The following METAP2 variants were observed in gnomAD, a reference collection of about 807,000 sequenced individuals.
The protein encoded by METAP2 is methionine aminopeptidase 2.
Under a neutral mutation model 59.4 loss-of-function variants are expected in METAP2, and 25 were observed. That is an observed-to-expected ratio of 0.42 (90% confidence interval 0.31 to 0.59). The LOEUF is 0.59. Among genes scored for constraint, METAP2 ranks in the 20% least tolerant of loss-of-function variants. METAP2 has a pLI of 0.16. For missense variants in METAP2, 366 were observed against 581.2 expected (o/e 0.63, Z 3.81); for synonymous variants, 214 against 194.1 (o/e 1.10, Z -0.85).
intron 4 of METAP2, among the ~76,000 whole-genome samples, chr12:95,492,337 A>T (rs1262555667): frequency 2.0e-5 from 3 of 152,138 alleles, no homozygotes; most frequent in Non-Finnish European, 4.4e-5. Context: ...ACTGAACTAA[A>T]TAAGATAAAA....
At chr12:95,485,451 C>A (rs1426402041) in intron 3 of METAP2, among the ~76,000 whole-genome samples, 2 of 151,906 alleles carry the variant, frequency 1.3e-5, no homozygotes, top group Non-Finnish European at 2.9e-5. Context: ...AACTTTTATA[C>A]CTTATATACT....
chr12:95,503,939 T>G (rs1387762226), intron 7 of METAP2, 126 bp from the exon 8 acceptor site: 1 of 666,998 alleles, frequency 1.5e-6, no homozygotes, highest in Non-Finnish European at 2.6e-6. Flanking sequence ...CAAAGTATTT[T>G]AAACAGGAAG....
At chr12:95,512,556 AC>A (rs1465372707) in intron 9 of METAP2, among the ~76,000 whole-genome samples, 28 of 152,152 alleles carry the variant, frequency 1.8e-4, no homozygotes, top group Admixed American at 1.8e-3. Context: ...TACTAAAAAT[AC>A]AAAAATTAGC....
Position 95,494,867 on chromosome 12 carries a change from A to C in METAP2, c.591-90A>C, listed in dbSNP as rs2076265665. On this transcript the variant is annotated intron_variant, in intron 5 of 10. Coordinates refer to ENST00000323666, the MANE Select transcript of METAP2 (RefSeq NM_006838.4). ...CCAGAAGGTATTTAAGGTTTTTAGT[A>C]AACTTTCTGGACTTGATGAACTATA... 5 of 1,067,380 alleles carry C rather than the reference A, an allele frequency of 4.7e-6. No individual in the cohort carries two copies. In the Admixed American group the frequency reaches 1.1e-4, roughly 24 times the overall value. The allele number at this position is 1,067,380 out of a possible 1,614,324, so 66.1% of individuals were successfully genotyped here. A position where few individuals can be genotyped will look rare whatever the true frequency, so the allele number is the denominator to read the frequency against.
At chr12:95,506,846 G>A (rs372603266) in intron 8 of METAP2, among the ~76,000 whole-genome samples, 27 of 136,024 alleles carry the variant, frequency 2.0e-4, no homozygotes, top group African/African-American at 6.9e-4. Flanking sequence ...AGTCTTACTC[G>A]TTCTGTCACC....
At chr12:95,499,965 GA>G (rs1428820569) in intron 7 of METAP2, among the ~76,000 whole-genome samples, 1 of 152,176 alleles carries the variant, frequency 6.6e-6, no homozygotes, top group Non-Finnish European at 1.5e-5. Context: ...CCACCCCCAT[GA>G]TCCTATCACC....
chr12:95,513,242 CA>C (rs1429078256), intron 10 of METAP2, among the ~76,000 whole-genome samples: 1 of 152,004 alleles, frequency 6.6e-6, no homozygotes, highest in African/African-American at 2.4e-5. Flanking sequence ...CTTCCATTTA[CA>C]GCGTCTTTCA....
rs930634502 is a variant in METAP2 at position 95,498,981 on chromosome 12, G to A, written c.867+2883G>A. Among the ~76,000 whole-genome samples the A allele has an allele frequency of 5.3e-5, 8 of 150,822 alleles. No homozygotes were observed. The South Asian group carries it at 1.1e-3, about 20-fold the overall frequency. On this transcript the variant is annotated intron_variant, in intron 7 of 10. Coordinates refer to ENST00000323666, the MANE Select transcript of METAP2 (RefSeq NM_006838.4). ...CAGTGAGACAAGATTACGCCACTGC[G>A]TTCCAGCCTGGGTAAAAAAGCAAGA... is the stretch of plus-strand genomic sequence containing the variant.
chr12:95,510,586 A>C (rs990766553), intron 8 of METAP2, among the ~76,000 whole-genome samples: 1 of 152,132 alleles, frequency 6.6e-6, no homozygotes, highest in African/African-American at 2.4e-5. Flanking sequence ...CCACCTCCCA[A>C]CACCATCACA....
rs778874462 is a variant in METAP2 at position 95,478,535 on chromosome 12, G to A, written c.259+2357G>A. Among the ~76,000 whole-genome samples the A allele has an allele frequency of 6.6e-5, 10 of 152,236 alleles. No individual in the cohort carries two copies. In the South Asian group the frequency reaches 1.9e-3, roughly 28 times the overall value. ...TAATCCCAGCTACTCGGGAGGCTGA[G>A]GCAGGAAAATTGCTTGAACCCAGGA... On this transcript the variant is annotated intron_variant, in intron 2 of 10. Transcript: ENST00000323666.
At chr12:95,494,873 T>C (rs948338685) in intron 5 of METAP2, 84 bp from the exon 6 acceptor site, 68 of 1,124,538 alleles carry the variant, frequency 6.0e-5, no homozygotes, top group Non-Finnish European at 7.7e-5. Flanking sequence ...TAGTAAACTT[T>C]CTGGACTTGA....
At chr12:95,491,497 G>A (rs1057342030) in intron 4 of METAP2, among the ~76,000 whole-genome samples, 14 of 152,086 alleles carry the variant, frequency 9.2e-5, no homozygotes, top group African/African-American at 3.4e-4. Flanking sequence ...TGTGATACAT[G>A]CATACATTTT....
chr12:95,490,663 C>T (rs1441125326), intron 4 of METAP2, among the ~76,000 whole-genome samples: 1 of 150,634 alleles, frequency 6.6e-6, no homozygotes, highest in Non-Finnish European at 1.5e-5. Context: ...CTTATCCTCC[C>T]AAGTAGCTTT....
chr12:95,478,522 C>T (rs973470060), intron 2 of METAP2, among the ~76,000 whole-genome samples: 1 of 152,054 alleles, frequency 6.6e-6, no homozygotes, highest in African/African-American at 2.4e-5. Flanking sequence ...ATCCCAGCTA[C>T]TCGGGAGGCT....
At chr12:95,508,115 G>GTT (rs1423096961) in intron 8 of METAP2, among the ~76,000 whole-genome samples, 1 of 151,870 alleles carries the variant, frequency 6.6e-6, no homozygotes, top group East Asian at 1.9e-4. Context: ...TTTACTTACT[G>GTT]TTATGTGAAA....
At chr12:95,497,147 G>A (rs1389123669) in intron 7 of METAP2, among the ~76,000 whole-genome samples, 1 of 151,924 alleles carries the variant, frequency 6.6e-6, no homozygotes, top group Admixed American at 6.6e-5. Flanking sequence ...GTTGTTCATT[G>A]GTATTAAGTA....
chr12:95,509,291 A>G (rs2076384095), intron 8 of METAP2, among the ~76,000 whole-genome samples: 1 of 152,244 alleles, frequency 6.6e-6, no homozygotes, highest in Admixed American at 6.5e-5. Flanking sequence ...GTCAACCTAA[A>G]TAACAAACAG....
chr12:95,510,747 G>A (rs2076396240), intron 8 of METAP2, among the ~76,000 whole-genome samples: 1 of 152,188 alleles, frequency 6.6e-6, no homozygotes, highest in African/African-American at 2.4e-5. Context: ...AAATAGTAAT[G>A]ATGTCTGAAT....
intron 8 of METAP2, among the ~76,000 whole-genome samples, chr12:95,509,627 T>A (rs774325046): frequency 6.6e-6 from 1 of 152,166 alleles, no homozygotes; most frequent in Non-Finnish European, 1.5e-5. Context: ...CCTCTCTTCA[T>A]GGCTTTCCCT....
Sources: allele counts gnomAD v4.1 joint callset (sites outside exome capture counted in the v4.1 genomes callset), GRCh38; gene constraint gnomAD v4.1.1; transcripts MANE v1.5; gene names NCBI Gene and HGNC (gene_info 2026-07-23, HGNC 2026-07-21).